The following DHX32 variants were observed in gnomAD, a reference collection of about 807,000 sequenced individuals.
The protein encoded by DHX32 is putative pre-mRNA-splicing factor ATP-dependent RNA helicase DHX32.
Under a neutral mutation model 70.0 loss-of-function variants are expected in DHX32, and 51 were observed. That is an observed-to-expected ratio of 0.73 (90% CI 0.58 to 0.92). DHX32 has a LOEUF of 0.92. DHX32 is among the 40% of genes least tolerant of loss of function. The pLI is 0.00. For synonymous variants in DHX32, 310 were observed against 315.3 expected (o/e 0.98, Z 0.18); for missense variants, 762 against 891.8 (o/e 0.85, Z 1.85).
intron 1 of DHX32, among the ~76,000 whole-genome samples, chr10:125,875,423 G>C (rs570407404): frequency 6.6e-6 from 1 of 152,294 alleles, no homozygotes; most frequent in Non-Finnish European, 1.5e-5. Flanking sequence ...ATGGGGAAAT[G>C]TCAAAAGGAC....
chr10:125,873,006 G>C (rs1944264228), intron 1 of DHX32, among the ~76,000 whole-genome samples: 1 of 152,220 alleles, frequency 6.6e-6, no homozygotes, highest in African/African-American at 2.4e-5. Context: ...CCCAACTCCG[G>C]GCAGCACACA....
chr10:125,872,534 G>A (rs183667661), intron 1 of DHX32, among the ~76,000 whole-genome samples: 1 of 152,320 alleles, frequency 6.6e-6, no homozygotes, highest in African/African-American at 2.4e-5. Flanking sequence ...TTTATCCTGG[G>A]AGTTTGGTGA....
chr10:125,886,380 CTT>C (rs1388419287), intron 1 of DHX32, among the ~76,000 whole-genome samples: 3 of 152,192 alleles, frequency 2.0e-5, no homozygotes, highest in Non-Finnish European at 4.4e-5. Flanking sequence ...CATTTTCCCT[CTT>C]TGTTTTCTGT....
chr10:125,881,524 T>C (rs2134074490), upstream of DHX32, among the ~76,000 whole-genome samples: 1 of 152,350 alleles, frequency 6.6e-6, no homozygotes, highest in South Asian at 2.1e-4. Flanking sequence ...AAGAAATCCT[T>C]TACTTTAATG....
At chr10:125,865,248 T>C (rs1944213935) in intron 2 of DHX32, among the ~76,000 whole-genome samples, 1 of 152,254 alleles carries the variant, frequency 6.6e-6, no homozygotes. Context: ...GCTCTTTAAC[T>C]AGTTTGTGAG....
rs1944171070 is a variant in DHX32, at chr10:125,859,451, G to A, written c.849+152C>T. 4.8e-6 allele frequency: 4 copies of A among 841,788 alleles called. No individual in the cohort carries two copies. The African/African-American group carries it at 5.2e-5, about 11-fold the overall frequency. The allele number at this position is 841,788 out of a possible 1,614,324, so 52.1% of individuals were successfully genotyped here. On this transcript the variant is annotated intron_variant, in intron 3 of 10. Coordinates refer to ENST00000284690, the MANE Select transcript of DHX32 (RefSeq NM_018180.3). ...GCATGTGATTTTAGAAACACTTCCT[G>A]TTCTCCTTTCAGCACAGGTTTTATT...
At chr10:125,893,690 A>G (rs549312085) in intron 1 of DHX32, among the ~76,000 whole-genome samples, 54 of 152,274 alleles carry the variant, frequency 3.5e-4, no homozygotes, top group African/African-American at 1.2e-3. Flanking sequence ...CTTTGACAGA[A>G]CTCCCTAAGA....
upstream of DHX32, among the ~76,000 whole-genome samples, chr10:125,883,785 A>G (rs1451885806): frequency 6.6e-6 from 1 of 152,240 alleles, no homozygotes; most frequent in Non-Finnish European, 1.5e-5. Context: ...CAAGGTCACC[A>G]TTACATCAGT....
At chr10:125,841,276 C>T (rs1218765406) in intron 7 of DHX32, 7 of 1,614,108 alleles carry the variant, frequency 4.3e-6, no homozygotes, top group Non-Finnish European at 5.9e-6. Context: ...ACCTGAGGTG[C>T]TTGGAGGTCC....
At chr10:125,839,781 G>T (rs1854817886) in intron 8 of DHX32, among the ~76,000 whole-genome samples, 1 of 152,034 alleles carries the variant, frequency 6.6e-6, no homozygotes, top group South Asian at 2.1e-4. Flanking sequence ...AGTCTTTCTG[G>T]CCACCTGTAA....
intron 1 of DHX32, among the ~76,000 whole-genome samples, chr10:125,877,292 A>G (rs934612036): frequency 6.6e-6 from 1 of 152,236 alleles, no homozygotes; most frequent in Admixed American, 6.5e-5. Context: ...ATAACAGCGT[A>G]ACAAAGAACA....
intron 1 of DHX32, among the ~76,000 whole-genome samples, chr10:125,887,612 T>C (rs1454639093): frequency 6.6e-6 from 1 of 152,178 alleles, no homozygotes; most frequent in African/African-American, 2.4e-5. Flanking sequence ...CTTTTCTTTA[T>C]TTTACATTGT....
chr10:125,854,382 G>A (rs989726965), intron 3 of DHX32, 179 bp from the exon 4 acceptor site: 8 of 464,474 alleles, frequency 1.7e-5, no homozygotes, highest in East Asian at 3.7e-5. Context: ...ATGAGAAAAC[G>A]TCTTTGGGGA....
intron 1 of DHX32, among the ~76,000 whole-genome samples, chr10:125,887,226 A>C (rs78629334): frequency 6.6e-6 from 1 of 152,182 alleles, no homozygotes. Flanking sequence ...TGTTCAACCA[A>C]TACTTGAGTG....
At chr10:125,837,246 T>C (rs184608384) in intron 10 of DHX32, among the ~76,000 whole-genome samples, 17 of 152,324 alleles carry the variant, frequency 1.1e-4, no homozygotes, top group Admixed American at 9.1e-4. Context: ...CCACTCCACA[T>C]CCAGCTGCGT....
intron 2 of DHX32, 103 bp from the exon 3 acceptor site, chr10:125,860,078 G>T: frequency 8.9e-7 from 1 of 1,117,704 alleles, no homozygotes; most frequent in Non-Finnish European, 1.2e-6. Flanking sequence ...CTCTAAATCA[G>T]TAACTCTAAA....
intron 9 of DHX32, 42 bp downstream of exon 9, chr10:125,838,959 A>G (rs752091057): frequency 1.3e-6 from 2 of 1,572,554 alleles, no homozygotes; most frequent in Admixed American, 1.8e-5. Flanking sequence ...AGTATGTGCA[A>G]TTCAGCAGAG....
chr10:125,846,796 C>A (rs1405508214), intron 6 of DHX32, among the ~76,000 whole-genome samples: 1 of 152,156 alleles, frequency 6.6e-6, no homozygotes, highest in African/African-American at 2.4e-5. Flanking sequence ...GAATCAATGG[C>A]TCCCTTTCTT....
intron 3 of DHX32, 64 bp from the exon 4 acceptor site, chr10:125,854,267 T>C: frequency 6.8e-7 from 1 of 1,476,616 alleles, no homozygotes; most frequent in Non-Finnish European, 8.9e-7. Context: ...TAAAAAAATG[T>C]CTGAATTACA....
Sources: gnomAD v4.1 joint callset for allele counts (sites outside exome capture counted in the v4.1 genomes callset) on GRCh38, gnomAD v4.1.1 for gene constraint, MANE v1.5 for transcripts, NCBI Gene and HGNC (gene_info 2026-07-23, HGNC 2026-07-21) for gene names.